Variants in GBP5 observed in about 807,000 individuals in gnomAD.
The protein encoded by GBP5 is guanylate-binding protein 5.
In GBP5, 48 loss-of-function variants were observed where a neutral mutation model predicts 58.2. The ratio of observed to expected loss-of-function variants is 0.83; its 90% CI spans 0.65 to 1.05. The LOEUF (loss-of-function observed/expected upper bound fraction) is 1.05. Ranked by LOEUF, GBP5 falls within the 50% of genes least tolerant of loss-of-function variation. The probability of loss-of-function intolerance (pLI) is 0.00; values close to 1 mark genes in which losing one functional copy is unlikely to be tolerated. For synonymous variants in GBP5, 248 were observed against 251.8 expected (o/e 0.98, Z 0.14); for missense variants, 714 against 686.8 (o/e 1.04, Z -0.44).
chr1:89,262,437 G>A (rs553508672), intron 10 of GBP5, 36 bp from the exon 11 acceptor site: 4 of 1,563,330 alleles, frequency 2.6e-6, no homozygotes, highest in South Asian at 1.1e-5. Context: ...TAGGATTAAT[G>A]TGCCTCTTCC....
intron 11 of GBP5, among the ~76,000 whole-genome samples, chr1:89,261,196 G>A (rs892641604): frequency 1.3e-5 from 2 of 152,174 alleles, no homozygotes; most frequent in Non-Finnish European, 1.5e-5. Flanking sequence ...AAGTGACATC[G>A]GAATCAGGTG....
rs1649815788 is a variant in GBP5 at position 89,257,259 on chromosome 1, G to C, written c.*3445C>G. Among the ~76,000 whole-genome samples the C allele has an allele frequency of 6.6e-6, 1 of 152,188 alleles. No individual in the cohort carries two copies. The highest frequency in any genetic ancestry group is 1.5e-5 in the Non-Finnish European group (1 of 68,020). ...GCACATCTTACATGGTGTCAGGCAA[G>C]AGAGCATGTGCAGGGGAATTGCCCT... is the stretch of plus-strand genomic sequence containing the variant. On this transcript the variant is annotated 3_prime_UTR_variant, in exon 12 of 12. Transcript: ENST00000370459.
chr1:89,262,302 T>C lies in GBP5; in HGVS notation c.1565A>G (p.His522Arg), dbSNP rs1226822129. ...CTCCATTTGTCTCACTTGTTCCTGATGGAGTCTCTCCCTCTCCTGCATCAT... is the reference window on the plus strand; with the variant it reads ...CTCCATTTGTCTCACTTGTTCCTGACGGAGTCTCTCCCTCTCCTGCATCAT... The part of the protein sequence containing the change: ...EQMMQERERL[H>R]QEQVRQMEIA... Residue 522 changes from histidine (H) to arginine (R), a missense_variant, in exon 11 of 12, where the codon CAT (histidine) becomes CGT (arginine). Physicochemically the swap from His to Arg is conservative, Grantham distance 29 (BLOSUM62 0). Transcript: ENST00000370459. 1.1e-5 allele frequency: 18 copies of C among 1,614,052 alleles called. No homozygotes were observed. Among genetic ancestry groups the C allele is most frequent in the Non-Finnish European group, 1.3e-5 (15 of 1,179,974 alleles).
chr1:89,264,681 A>G lies in GBP5; in HGVS notation c.1149+5T>C. ...ATCCCCATGAACTAGAAACAAAAAT[A>G]TCACCTCCAATTCTTTCTGGAAACT... On this transcript the variant is annotated splice_donor_5th_base_variant and intron_variant, in intron 8 of 11. Coordinates refer to ENST00000370459, the MANE Select transcript of GBP5 (RefSeq NM_052942.5). 1 of 1,610,566 alleles carries G rather than the reference A, an allele frequency of 6.2e-7. No homozygotes were observed. The highest frequency in any genetic ancestry group is 8.5e-7 in the Non-Finnish European group (1 of 1,177,026).
chr1:89,266,269 A>G, intron 7 of GBP5, 77 bp downstream of exon 7: 1 of 1,266,274 alleles, frequency 7.9e-7, no homozygotes, highest in South Asian at 1.4e-5. Flanking sequence ...AACATTGACA[A>G]TGCAAGGATA....
intron 5 of GBP5, 108 bp from the exon 6 acceptor site, chr1:89,267,261 C>A: frequency 1.9e-6 from 2 of 1,046,366 alleles, no homozygotes; most frequent in Admixed American, 2.6e-5. Flanking sequence ...TTAACCAAAT[C>A]ATCATTTTAT....
intron 5 of GBP5, 126 bp from the exon 6 acceptor site, chr1:89,267,279 T>C (rs1650259343): frequency 1.0e-6 from 1 of 978,010 alleles, no homozygotes; most frequent in Non-Finnish European, 1.5e-6. Context: ...TATCAGTAAA[T>C]ATAAGGGCTC....
At position 89,264,894 on chromosome 1, in the gene GBP5, A is replaced by G; in HGVS notation, c.941T>C (p.Val314Ala). ...SGDLPCIENA[V>A]LALAQRENSA... ...GTTCTCTCTCTGAGCCAAGGCCAGG[A>G]CTGCATTCTCTATGCAAGGCAGATC... The change falls in exon 8 of 12, where the codon GTC becomes GCC. Residue 314 changes from valine (V) to alanine (A), a missense_variant. Transcript: ENST00000370459. The G allele has an allele frequency of 1.9e-6, 3 of 1,614,222 alleles. No individual in the cohort carries two copies. The highest frequency in any genetic ancestry group is 2.5e-6 in the Non-Finnish European group (3 of 1,180,026).
intron 3 of GBP5, among the ~76,000 whole-genome samples, 163 bp downstream of exon 3, chr1:89,269,203 G>C (rs1040845267): frequency 9.9e-5 from 15 of 152,004 alleles, no homozygotes; most frequent in African/African-American, 3.4e-4. Flanking sequence ...CAGGAACAGA[G>C]AACTGGTCTT....
At chr1:89,265,057 C>A in intron 7 of GBP5, 91 bp from the exon 8 acceptor site, 2 of 1,250,298 alleles carry the variant, frequency 1.6e-6, no homozygotes, top group Non-Finnish European at 2.3e-6. Flanking sequence ...TTAATAGTTG[C>A]ATTGCCTGAA....
chr1:89,265,314 A>G (rs1385512273), intron 7 of GBP5, among the ~76,000 whole-genome samples: 1 of 151,868 alleles, frequency 6.6e-6, no homozygotes, highest in East Asian at 1.9e-4. Context: ...CTGTCTCTTC[A>G]ATCTTCCCTT....
rs142498526 is a variant in GBP5, at chr1:89,262,745, G to C, written c.1403C>G (p.Ser468Cys). The change falls in exon 10 of 12, where the codon TCT (serine) becomes TGT (cysteine). Residue 468 changes from serine to cysteine, a missense_variant. Coordinates refer to ENST00000370459, the MANE Select transcript of GBP5 (RefSeq NM_052942.5). ...VLQKYLKSKE[S>C]VSHAILQTDQ... ...AGTCTGTAATATTGCATGACTCACA[G>C]ACTCCTTGGACTTTAAATATTTCTG... is the stretch of plus-strand genomic sequence containing the variant. The C allele has an allele frequency of 1.9e-6, 3 of 1,580,452 alleles. No homozygotes were observed. In the African/African-American group the frequency reaches 4.2e-5, roughly 22 times the overall value.
chr1:89,271,993 C>G (rs1031861483), intron 1 of GBP5: 2 of 152,174 alleles, frequency 1.3e-5, no homozygotes, highest in Non-Finnish European at 2.9e-5. Flanking sequence ...TTTCATGAAA[C>G]TTCTCTCTGG....
intron 10 of GBP5, 97 bp downstream of exon 10, chr1:89,262,586 T>G (rs1390808702): frequency 2.2e-5 from 21 of 945,144 alleles, no homozygotes; most frequent in Non-Finnish European, 3.4e-5. Flanking sequence ...ATCTTTGCCA[T>G]TCTTGCTCTA....
At chr1:89,265,999 T>A (rs969154408) in intron 7 of GBP5, among the ~76,000 whole-genome samples, 7 of 152,198 alleles carry the variant, frequency 4.6e-5, no homozygotes, top group Admixed American at 4.6e-4. Context: ...AGGGAACATA[T>A]ATGTCTTGTT....
chr1:89,265,949 C>T (rs1447796281), intron 7 of GBP5, among the ~76,000 whole-genome samples: 3 of 152,050 alleles, frequency 2.0e-5, no homozygotes, highest in Non-Finnish European at 2.9e-5. Flanking sequence ...CAATTTGGGC[C>T]TTTGTTTAAA....
intron 5 of GBP5, 28 bp downstream of exon 5, chr1:89,267,389 G>T: frequency 6.7e-7 from 1 of 1,481,600 alleles, no homozygotes; most frequent in Non-Finnish European, 9.4e-7. Flanking sequence ...GTCGGACTTT[G>T]GTGCCATCCC....
At chr1:89,266,323 A>G in intron 7 of GBP5, 23 bp downstream of exon 7, 1 of 1,598,342 alleles carries the variant, frequency 6.3e-7, no homozygotes, top group Non-Finnish European at 8.6e-7. Context: ...AAATTGAAGG[A>G]AAATCCTAAA....
At chr1:89,265,485 T>G (rs1315766899) in intron 7 of GBP5, among the ~76,000 whole-genome samples, 1 of 151,400 alleles carries the variant, frequency 6.6e-6, no homozygotes, top group Non-Finnish European at 1.5e-5. Context: ...AGTGCAAAGT[T>G]TGGGAGGCTG....
Sources: allele counts gnomAD v4.1 joint callset (sites outside exome capture counted in the v4.1 genomes callset), GRCh38; gene constraint gnomAD v4.1.1; transcripts MANE v1.5; gene names NCBI Gene and HGNC (gene_info 2026-07-23, HGNC 2026-07-21).